Variants in SDAD1 observed in about 807,000 individuals in gnomAD.
SDAD1 encodes SDA1 domain containing 1.
Under a neutral mutation model 100.3 loss-of-function variants are expected in SDAD1, and 79 were observed. The ratio of observed to expected loss-of-function variants is 0.79; its 90% confidence interval spans 0.66 to 0.95. The LOEUF (loss-of-function observed/expected upper bound fraction) is 0.95, where lower values mean the gene tolerates loss of function less well. Ranked by LOEUF, SDAD1 falls within the 40% of genes least tolerant of loss-of-function variation. The pLI is 0.00. For synonymous variants in SDAD1, 267 were observed against 271.4 expected (o/e 0.98, Z 0.16); for missense variants, 790 against 810.9 (o/e 0.97, Z 0.31).
At chr4:75,957,483 C>G in intron 19 of SDAD1, 35 bp downstream of exon 19, 1 of 1,611,514 alleles carries the variant, frequency 6.2e-7, no homozygotes, top group South Asian at 1.1e-5. Context: ...ACCACATGAG[C>G]TGACTGAAGT....
Position 75,957,386 on chromosome 4 carries a change from T to C in SDAD1, c.1793A>G (p.Asp598Gly). Reference protein sequence around the residue: ...EPRGELLSLRDIERLHKKPKS... With the variant: ...EPRGELLSLRGIERLHKKPKS... ...TGGCTTTTTATGAAGGCGTTCAATG[T>C]CCCGAAGAGAAAGTAATTCACCCCT... The change falls in exon 20 of 22, where the codon GAC becomes GGC. Residue 598 changes from aspartate to glycine, a missense_variant. Coordinates refer to ENST00000356260, the MANE Select transcript of SDAD1 (RefSeq NM_018115.4). The C allele has an allele frequency of 1.2e-6, 2 of 1,614,098 alleles. No individual in the cohort carries two copies. Among genetic ancestry groups the C allele is most frequent in the Non-Finnish European group, 1.7e-6 (2 of 1,180,000 alleles).
chr4:75,977,498 G>A, intron 4 of SDAD1, 148 bp downstream of exon 4: 1 of 647,410 alleles, frequency 1.5e-6, no homozygotes, highest in Non-Finnish European at 2.7e-6. Flanking sequence ...AATAAATATG[G>A]CTATTAACAC....
chr4:75,974,713 AAAC>A (rs1730061059), intron 6 of SDAD1, among the ~76,000 whole-genome samples: 1 of 69,368 alleles, frequency 1.4e-5, no homozygotes, highest in Non-Finnish European at 4.0e-5. Context: ...TGTCTCAAAA[AAAC>A]AAACAAACAA....
chr4:75,958,966 C>T (rs1009030136), intron 17 of SDAD1, among the ~76,000 whole-genome samples: 8 of 151,498 alleles, frequency 5.3e-5, no homozygotes, highest in Non-Finnish European at 8.8e-5. Context: ...GGTGTGGTGG[C>T]GGGCGCCTGT....
chr4:75,965,658 C>A, intron 13 of SDAD1, 106 bp downstream of exon 13: 1 of 864,940 alleles, frequency 1.2e-6, no homozygotes, highest in Non-Finnish European at 1.9e-6. Context: ...AGAAAAAAAC[C>A]CACGTTGAAT....
intron 1 of SDAD1, among the ~76,000 whole-genome samples, chr4:75,985,589 T>C (rs1730843596): frequency 6.6e-6 from 1 of 152,192 alleles, no homozygotes; most frequent in Non-Finnish European, 1.5e-5. Context: ...CACTGTCTTC[T>C]CACCCTCTAT....
chr4:75,967,320 A>C lies in SDAD1; in HGVS notation c.1002T>G (p.Asn334Lys). ...GAAACCTTTGCAAAAAGGGATAGAA[A>C]TTGAAGAGGAAAAGCTGTGGAGAGA... is the stretch of plus-strand genomic sequence containing the variant. The part of the protein sequence containing the change: ...LVGIHELFLF[N>K]FYPFLQRFLQ... Residue 334 changes from asparagine (N) to lysine (K), a missense_variant, in exon 12 of 22, where the codon AAT (asparagine) becomes AAG (lysine). Physicochemically the swap from Asn to Lys is moderately conservative, Grantham distance 94 (BLOSUM62 0). Coordinates refer to ENST00000356260, the MANE Select transcript of SDAD1 (RefSeq NM_018115.4). 9.3e-6 allele frequency: 15 copies of C among 1,614,064 alleles called. No homozygotes were observed. Among genetic ancestry groups the C allele is most frequent in the Non-Finnish European group, 1.3e-5 (15 of 1,179,968 alleles).
intron 1 of SDAD1, among the ~76,000 whole-genome samples, chr4:75,984,597 T>C (rs768860901): frequency 6.6e-6 from 1 of 152,184 alleles, no homozygotes; most frequent in African/African-American, 2.4e-5. Flanking sequence ...GCACTTGTTA[T>C]GTACTAAGCT....
At chr4:75,990,590 G>T (rs892105833) in intron 1 of SDAD1, 162 bp downstream of exon 1, 42 of 1,465,592 alleles carry the variant, frequency 2.9e-5, no homozygotes, top group Non-Finnish European at 3.7e-5. Context: ...GAACCCTAAG[G>T]CATGTCCCGT....
chr4:75,954,498 C>T (rs1348360086), intron 21 of SDAD1, among the ~76,000 whole-genome samples: 1 of 151,972 alleles, frequency 6.6e-6, no homozygotes, highest in Non-Finnish European at 1.5e-5. Context: ...CATGGCAAAA[C>T]CCCATCTCTA....
At chr4:75,968,966 G>A (rs1158534908) in intron 11 of SDAD1, among the ~76,000 whole-genome samples, 1 of 145,616 alleles carries the variant, frequency 6.9e-6, no homozygotes, top group Non-Finnish European at 1.5e-5. Context: ...AGGAGGTGGA[G>A]GTTGCAGTGA....
intron 13 of SDAD1, among the ~76,000 whole-genome samples, chr4:75,965,344 C>T (rs920166657): frequency 6.6e-6 from 1 of 152,176 alleles, no homozygotes; most frequent in Admixed American, 6.5e-5. Context: ...AAGATGTTAT[C>T]AATGACAATG....
intron 8 of SDAD1, among the ~76,000 whole-genome samples, chr4:75,973,021 A>T (rs1729956474): frequency 1.4e-5 from 2 of 147,946 alleles, no homozygotes; most frequent in African/African-American, 4.9e-5. Flanking sequence ...ACTCCGTCTT[A>T]AAAAAAAAAA....
At chr4:75,967,997 G>C (rs1729644337) in intron 11 of SDAD1, among the ~76,000 whole-genome samples, 1 of 152,186 alleles carries the variant, frequency 6.6e-6, no homozygotes, top group Admixed American at 6.5e-5. Flanking sequence ...TCAGTTAGGT[G>C]GGAATAAACT....
At chr4:75,957,432 C>T (rs1302025390) in intron 19 of SDAD1, 23 bp from the exon 20 acceptor site, 1 of 1,612,992 alleles carries the variant, frequency 6.2e-7, no homozygotes, top group Non-Finnish European at 8.5e-7. Context: ...AAAAATAACA[C>T]ATGAAACAAG....
chr4:75,964,416 A>G (rs369591937), intron 13 of SDAD1, among the ~76,000 whole-genome samples: 6 of 152,258 alleles, frequency 3.9e-5, no homozygotes, highest in African/African-American at 1.2e-4. Flanking sequence ...TCCTCAGACT[A>G]AATCAAAGAA....
At position 75,982,055 on chromosome 4, in the gene SDAD1, T is replaced by G; in HGVS notation, c.91-18A>C. ...TGTAGAAACTGCAGAAAAATAAAATTTAAGTTTGTCACATTGTATTACATG... is the reference window on the plus strand; with the variant it reads ...TGTAGAAACTGCAGAAAAATAAAATGTAAGTTTGTCACATTGTATTACATG... On this transcript the variant is annotated intron_variant, in intron 1 of 21. Transcript: ENST00000356260. The G allele has an allele frequency of 6.6e-7, 1 of 1,514,156 alleles. No homozygotes were observed. Among genetic ancestry groups the G allele is most frequent in the Non-Finnish European group, 9.1e-7 (1 of 1,098,722 alleles). 93.8% of individuals were successfully genotyped at this position (1,514,156 alleles called of 1,614,324 possible).
At chr4:75,968,710 C>A (rs528975061) in intron 11 of SDAD1, among the ~76,000 whole-genome samples, 1 of 152,006 alleles carries the variant, frequency 6.6e-6, no homozygotes, top group Non-Finnish European at 1.5e-5. Context: ...AATGTGTATG[C>A]GTAACAAAGT....
At chr4:75,985,945 A>G (rs1166142620) in intron 1 of SDAD1, among the ~76,000 whole-genome samples, 1 of 152,048 alleles carries the variant, frequency 6.6e-6, no homozygotes, top group Admixed American at 6.5e-5. Flanking sequence ...CTTCAATTCC[A>G]TGATCAATCA....
Sources: allele counts gnomAD v4.1 joint callset (sites outside exome capture counted in the v4.1 genomes callset), GRCh38; gene constraint gnomAD v4.1.1; transcripts MANE v1.5; gene names NCBI Gene and HGNC (gene_info 2026-07-23, HGNC 2026-07-21).